The following GYS2 variants were observed in gnomAD, a reference collection of about 807,000 sequenced individuals.
GYS2 encodes the protein glycogen [starch] synthase, liver.
A neutral mutation model predicts 85.6 loss-of-function variants in GYS2; 80 were observed. That is an observed-to-expected ratio of 0.93 (90% CI 0.78 to 1.13). The LOEUF is 1.13. Among genes scored for constraint, GYS2 ranks in the 50% most tolerant of loss-of-function variants. The probability of loss-of-function intolerance (pLI) is 0.00; values close to 1 mark genes in which losing one functional copy is unlikely to be tolerated. For synonymous variants in GYS2, 328 were observed against 300.7 expected (o/e 1.09, Z -0.94); for missense variants, 881 against 854.9 (o/e 1.03, Z -0.38).
intron 4 of GYS2, among the ~76,000 whole-genome samples, chr12:21,571,806 CA>C (rs1315333616): frequency 3.9e-5 from 6 of 152,002 alleles, no homozygotes; most frequent in Middle Eastern, 3.4e-3. Context: ...ACTAAAAATA[CA>C]AAAAATTAGC....
downstream of GYS2, chr12:21,535,005 T>G (rs1943897744): frequency 6.6e-6 from 1 of 152,312 alleles, no homozygotes; most frequent in Admixed American, 6.5e-5. Flanking sequence ...GGGAAAAGGA[T>G]GAAGAAATGA....
intron 1 of GYS2, among the ~76,000 whole-genome samples, chr12:21,589,688 C>T (rs1016156865): frequency 4.6e-5 from 7 of 152,246 alleles, no homozygotes; most frequent in South Asian, 2.1e-4. Flanking sequence ...CAGTGGTCCA[C>T]ATCTGCATTA....
intron 11 of GYS2, among the ~76,000 whole-genome samples, chr12:21,546,730 A>C (rs9783464): frequency 0.21 from 32,220 of 152,102 alleles, 4,015 homozygotes; most frequent in African/African-American, 0.34. Context: ...AAGGAGTTAG[A>C]GTGCTCATTT....
intron 1 of GYS2, among the ~76,000 whole-genome samples, chr12:21,586,648 G>A (rs2136921455): frequency 6.6e-6 from 1 of 152,146 alleles, no homozygotes; most frequent in Middle Eastern, 3.4e-3. Flanking sequence ...AGTCAGAATG[G>A]CTATCATTAT....
At chr12:21,586,235 C>T (rs1944571242) in intron 1 of GYS2, among the ~76,000 whole-genome samples, 1 of 152,116 alleles carries the variant, frequency 6.6e-6, no homozygotes, top group Non-Finnish European at 1.5e-5. Context: ...ACTGGCTTAG[C>T]CTCCAAGCCT....
intron 14 of GYS2, among the ~76,000 whole-genome samples, chr12:21,539,697 T>C (rs1367740757): frequency 6.6e-6 from 1 of 152,184 alleles, no homozygotes; most frequent in Admixed American, 6.5e-5. Context: ...GTGTAAATCC[T>C]GCTTCAGACC....
intron 2 of GYS2, among the ~76,000 whole-genome samples, chr12:21,577,672 C>T (rs1159561636): frequency 1.3e-5 from 2 of 152,048 alleles, no homozygotes; most frequent in Non-Finnish European, 2.9e-5. Context: ...TTATGCATTC[C>T]ACTCTTTAAA....
chr12:21,582,942 A>G (rs1719989276), intron 1 of GYS2, among the ~76,000 whole-genome samples: 1 of 152,234 alleles, frequency 6.6e-6, no homozygotes, highest in South Asian at 2.1e-4. Context: ...AATACTTTTG[A>G]CTATATGTGG....
At chr12:21,565,367 C>T (rs77835526) in intron 5 of GYS2, among the ~76,000 whole-genome samples, 3,497 of 125,498 alleles carry the variant, frequency 0.028, 177 homozygotes, top group African/African-American at 0.1. Flanking sequence ...GCAGTAACAC[C>T]ATTATACTAT....
At chr12:21,579,645 G>A (rs768704460) in intron 2 of GYS2, among the ~76,000 whole-genome samples, 8 of 152,110 alleles carry the variant, frequency 5.3e-5, no homozygotes, top group Non-Finnish European at 1.0e-4. Context: ...ATAGGCATGA[G>A]CCACCATGCC....
chr12:21,556,314 G>A (rs117508646), intron 11 of GYS2, among the ~76,000 whole-genome samples: 4 of 152,056 alleles, frequency 2.6e-5, no homozygotes, highest in South Asian at 2.1e-4. Flanking sequence ...TACTACAGGC[G>A]TGTACCACCA....
At chr12:21,549,072 C>G (rs1274758743) in intron 11 of GYS2, among the ~76,000 whole-genome samples, 2 of 151,888 alleles carry the variant, frequency 1.3e-5, no homozygotes, top group Non-Finnish European at 2.9e-5. Flanking sequence ...TGTGTTGTAC[C>G]TGTAGCCATT....
chr12:21,552,750 A>G (rs933141585), intron 11 of GYS2, among the ~76,000 whole-genome samples: 5 of 152,188 alleles, frequency 3.3e-5, no homozygotes, highest in African/African-American at 9.7e-5. Context: ...GTGCTTTGAT[A>G]TCTCTGTGCC....
rs1330006203 is a variant in GYS2 at position 21,560,496 on chromosome 12, A to ATGAGGAAT, written c.1063-12_1063-5dup. ...CTGTGATGTCACTTTTATGCATCTGATGAGGAATTAGAAAACACAGAGTCA... is the reference window on the plus strand; with the variant it reads ...CTGTGATGTCACTTTTATGCATCTGATGAGGAATTGAGGAATTAGAAAACACAGAGTCA... On this transcript the variant is annotated splice_polypyrimidine_tract_variant and splice_region_variant and intron_variant, in intron 7 of 15. Coordinates refer to ENST00000261195, the MANE Select transcript of GYS2 (RefSeq NM_021957.4). 7.7e-7 allele frequency: 1 copy of ATGAGGAAT among 1,305,344 alleles called. No individual in the cohort carries two copies. The highest frequency in any genetic ancestry group is 1.1e-6 in the Non-Finnish European group (1 of 897,250). 80.9% of individuals were successfully genotyped at this position (1,305,344 alleles called of 1,614,324 possible).
chr12:21,547,822 A>G (rs1179252492), intron 11 of GYS2, among the ~76,000 whole-genome samples: 2 of 152,058 alleles, frequency 1.3e-5, no homozygotes, highest in Non-Finnish European at 2.9e-5. Context: ...ACTTTGGGGG[A>G]TGCTGATAAT....
At chr12:21,555,261 T>C (rs1944164693) in intron 11 of GYS2, among the ~76,000 whole-genome samples, 1 of 152,074 alleles carries the variant, frequency 6.6e-6, no homozygotes, top group Non-Finnish European at 1.5e-5. Flanking sequence ...GAAGTATAAG[T>C]CTCTGTGGAT....
chr12:21,558,378 CA>C (rs1409846894), intron 10 of GYS2, 65 bp from the exon 11 acceptor site: 7 of 977,082 alleles, frequency 7.2e-6, no homozygotes, highest in Non-Finnish European at 9.9e-6. Context: ...CTAATTTCAA[CA>C]ATAGGTCATT....
Position 21,604,775 on chromosome 12 carries a change from G to A in GYS2, c.-183C>T. 7 of 1,401,104 alleles carry A rather than the reference G, an allele frequency of 5.0e-6. No individual in the cohort carries two copies. Among genetic ancestry groups the A allele is most frequent in the Non-Finnish European group, 6.5e-6 (7 of 1,072,950 alleles). 86.8% of individuals were successfully genotyped at this position (1,401,104 alleles called of 1,614,324 possible). A position where few individuals can be genotyped will look rare whatever the true frequency, so the allele number is the denominator to read the frequency against. On this transcript the variant is annotated 5_prime_UTR_variant, in exon 1 of 16. Coordinates refer to ENST00000261195, the MANE Select transcript of GYS2 (RefSeq NM_021957.4). ...CTTCCCACAGAATTCCTGGTGGAAG[G>A]AGGAATTCTTCCTCCTCTTTCTCGT...
intron 11 of GYS2, among the ~76,000 whole-genome samples, chr12:21,556,104 A>G (rs182649964): frequency 1.1e-3 from 167 of 151,998 alleles, no homozygotes; most frequent in Admixed American, 3.7e-3. Flanking sequence ...TTCTTCCTCT[A>G]ATTTTCTCTT....
Sources: allele counts gnomAD v4.1 joint callset (sites outside exome capture counted in the v4.1 genomes callset), GRCh38; gene constraint gnomAD v4.1.1; transcripts MANE v1.5; gene names NCBI Gene and HGNC (gene_info 2026-07-23, HGNC 2026-07-21).